Variants in SLTM observed in about 807,000 individuals in gnomAD.
SLTM encodes SAFB like transcription modulator.
Under a neutral mutation model 134.6 loss-of-function variants are expected in SLTM, and 43 were observed. That is an observed-to-expected ratio of 0.32 (90% CI 0.25 to 0.41). The LOEUF (loss-of-function observed/expected upper bound fraction) is 0.41, where lower values mean the gene tolerates loss of function less well. Ranked by LOEUF, SLTM falls within the 10% of genes least tolerant of loss-of-function variation. The pLI is 1.00. For synonymous variants in SLTM, 424 were observed against 432.3 expected (o/e 0.98, Z 0.24); for missense variants, 1,055 against 1,288.8 (o/e 0.82, Z 2.78).
At chr15:58,884,314 T>TTTG (rs770701415) in intron 19 of SLTM, among the ~76,000 whole-genome samples, 2 of 151,958 alleles carry the variant, frequency 1.3e-5, no homozygotes, top group African/African-American at 2.4e-5. Context: ...ATTTAATACT[T>TTTG]TTGTTGTTGT....
chr15:58,896,122 T>G (rs1416693263), intron 9 of SLTM, among the ~76,000 whole-genome samples: 1 of 152,190 alleles, frequency 6.6e-6, no homozygotes, highest in East Asian at 1.9e-4. Flanking sequence ...AATTGAGTAT[T>G]CTTTGACTAC....
chr15:58,924,182 T>C (rs958397709), intron 2 of SLTM, among the ~76,000 whole-genome samples: 1 of 152,230 alleles, frequency 6.6e-6, no homozygotes, highest in African/African-American at 2.4e-5. Context: ...ATAATCTGAA[T>C]AACAAAATAA....
At chr15:58,885,141 C>T (rs755542404) in intron 19 of SLTM, among the ~76,000 whole-genome samples, 10 of 152,182 alleles carry the variant, frequency 6.6e-5, no homozygotes, top group Non-Finnish European at 1.5e-4. Flanking sequence ...TTACATTGTA[C>T]TACTTAGTGC....
At position 58,893,851 on chromosome 15, in the gene SLTM, T is replaced by C. The variant is rs143963355; in HGVS notation, c.1618A>G (p.Ile540Val). ...CGCTTCTTTTCTTCACTTTTTTTAA[T>C]CGATTCTGATGTTTGGCCACTTGCT... ...NGASGQTSES[I>V]KKSEEKKRIS... The change falls in exon 12 of 21, where the codon ATT (isoleucine) becomes GTT (valine). Residue 540 changes from isoleucine (I) to valine (V), a missense_variant. Transcript: ENST00000380516. 4 of 1,611,140 alleles carry C rather than the reference T, an allele frequency of 2.5e-6. No homozygotes were observed. In the African/African-American group the frequency reaches 5.4e-5, roughly 22 times the overall value.
At chr15:58,913,803 T>A (rs2036446129) in intron 3 of SLTM, 107 bp from the exon 4 acceptor site, 1 of 799,592 alleles carries the variant, frequency 1.3e-6, no homozygotes, top group African/African-American at 1.7e-5. Flanking sequence ...TTTGATCATA[T>A]TTTAATATTC....
rs2033544473 is a variant in SLTM at position 58,879,715 on chromosome 15, T to C, written c.*284A>G. 2 of 264,058 alleles carry C rather than the reference T, an allele frequency of 7.6e-6. No individual in the cohort carries two copies. Among genetic ancestry groups the C allele is most frequent in the South Asian group, 1.3e-4 (2 of 15,748 alleles). 16.4% of individuals were successfully genotyped at this position (264,058 alleles called of 1,614,324 possible). On this transcript the variant is annotated 3_prime_UTR_variant, in exon 21 of 21. Transcript: ENST00000380516. ...CTACCACACAGCTGCAAACTACTCT[T>C]TATATTCACACAGCGTTAAACAAAA... is the stretch of plus-strand genomic sequence containing the variant.
intron 5 of SLTM, among the ~76,000 whole-genome samples, chr15:58,910,139 A>G (rs1256501877): frequency 1.3e-5 from 2 of 152,232 alleles, no homozygotes; most frequent in African/African-American, 4.8e-5. Flanking sequence ...TTTTAGAGAT[A>G]CATATTGAAA....
At chr15:58,886,908 C>T in intron 19 of SLTM, 67 bp downstream of exon 19, 3 of 1,576,996 alleles carry the variant, frequency 1.9e-6, no homozygotes, top group Non-Finnish European at 2.6e-6. Flanking sequence ...ACTGTATATC[C>T]AGAGTAGCTC....
chr15:58,897,732 G>C (rs1451753833), intron 8 of SLTM, among the ~76,000 whole-genome samples: 1 of 152,034 alleles, frequency 6.6e-6, no homozygotes, highest in Non-Finnish European at 1.5e-5. Flanking sequence ...GAATAAGTAA[G>C]ACAAAATGGG....
chr15:58,889,523 C>T lies in SLTM; in HGVS notation c.2111G>A (p.Arg704Gln), dbSNP rs895064973. ...ERRKEAERIA[R>Q]EREELRRQQQ... The stretch of plus-strand genomic sequence containing the variant: ...TTGCCTTCTGAGTTCCTCTCTTTCT[C>T]GAGCAATCCGTTCAGCTTCCTTACG... Residue 704 changes from arginine (R) to glutamine (Q), a missense_variant, in exon 16 of 21, where the codon CGA becomes CAA. Transcript: ENST00000380516. 5 of 1,613,904 alleles carry T rather than the reference C, an allele frequency of 3.1e-6. No individual in the cohort carries two copies. The highest frequency in any genetic ancestry group is 1.3e-5 in the African/African-American group (1 of 74,912).
chr15:58,898,407 A>C (rs1338401023), intron 8 of SLTM: 2 of 155,322 alleles, frequency 1.3e-5, no homozygotes, highest in African/African-American at 4.8e-5. Flanking sequence ...CCACAAATAC[A>C]CACAAGTATT....
chr15:58,889,547 C>T lies in SLTM; in HGVS notation c.2087G>A (p.Arg696His), dbSNP rs202109858. ...TCGAGCAATCCGTTCAGCTTCCTTA[C>T]GACGTTCCTTCAGACAACACAGAAT... is the stretch of plus-strand genomic sequence containing the variant. ...RERIRIEQER[R>H]KEAERIARER... is the part of the protein sequence containing the mutation. The change falls in exon 16 of 21, where the codon CGT becomes CAT. Residue 696 changes from arginine to histidine, a missense_variant. Arg to His is a conservative substitution (Grantham distance 29). Transcript: ENST00000380516. 28 of 1,613,900 alleles carry T rather than the reference C, an allele frequency of 1.7e-5. No individual in the cohort carries two copies. The highest frequency in any genetic ancestry group is 8.8e-5 in the South Asian group (8 of 91,074).
chr15:58,919,759 A>T (rs1188874196), intron 2 of SLTM, among the ~76,000 whole-genome samples: 4 of 152,314 alleles, frequency 2.6e-5, no homozygotes, highest in Admixed American at 2.0e-4. Flanking sequence ...TATAATCACA[A>T]ACTGCCTTAT....
chr15:58,918,294 T>A (rs1402259708), intron 2 of SLTM, among the ~76,000 whole-genome samples: 1 of 152,182 alleles, frequency 6.6e-6, no homozygotes, highest in Non-Finnish European at 1.5e-5. Context: ...ACGAATGAAC[T>A]TTTTTCCCTT....
Position 58,916,977 on chromosome 15 carries a change from C to A in SLTM, c.273G>T (p.Glu91Asp), listed in dbSNP as rs758662591. ...CTTCCACAGAAGCATCTCCACTCAACTCATCTGCTTCATGTTTTTTACCTG... is the reference window on the plus strand; with the variant it reads ...CTTCCACAGAAGCATCTCCACTCAAATCATCTGCTTCATGTTTTTTACCTG... ...KGKGKKHEADELSGDASVEDD... is the reference protein window; with the variant it reads ...KGKGKKHEADDLSGDASVEDD... The change falls in exon 3 of 21, where the codon GAG becomes GAT. Residue 91 changes from glutamate to aspartate, a missense_variant. Glu to Asp is a conservative substitution (Grantham distance 45). Around this residue, in one of 3 missense-constraint regions of SLTM, gnomAD observed 268 missense variants for 284.3 expected, o/e 0.94. Transcript: ENST00000380516. The A allele has an allele frequency of 1.2e-6, 2 of 1,613,864 alleles. No homozygotes were observed. Among genetic ancestry groups the A allele is most frequent in the Non-Finnish European group, 1.7e-6 (2 of 1,179,848 alleles).
chr15:58,916,157 T>G (rs2036628283), intron 3 of SLTM, among the ~76,000 whole-genome samples: 1 of 150,058 alleles, frequency 6.7e-6, no homozygotes, highest in Non-Finnish European at 1.5e-5. Flanking sequence ...ATAAATTTCT[T>G]AATTTGATCT....
At position 58,919,440 on chromosome 15, in the gene SLTM, A is replaced by T. The variant is rs186773533; in HGVS notation, c.251-2441T>A. 2.1e-3 allele frequency among the ~76,000 whole-genome samples: 313 copies of T among 152,130 alleles called. 1 individual carries two copies. Among genetic ancestry groups the T allele is most frequent in the Middle Eastern group, 6.8e-3 (2 of 294 alleles). Reference sequence around the variant, plus strand: ...GAGATCCCTATCTCTTCAAAAAAAAATTTTTTAAACACAGCTGGGTGTCGC... The same window carrying T: ...GAGATCCCTATCTCTTCAAAAAAAATTTTTTTAAACACAGCTGGGTGTCGC... On this transcript the variant is annotated intron_variant, in intron 2 of 20. Coordinates refer to ENST00000380516, the MANE Select transcript of SLTM (RefSeq NM_024755.4).
intron 3 of SLTM, among the ~76,000 whole-genome samples, chr15:58,915,968 TA>T (rs138468086): frequency 1.0e-3 from 152 of 149,594 alleles, no homozygotes; most frequent in South Asian, 3.8e-3. Context: ...TTCATTAAAA[TA>T]AAAAAAAAAT....
At position 58,930,356 on chromosome 15, in the gene SLTM, C is replaced by CG. The variant is rs2037786122; in HGVS notation, c.250+1999_250+2000insC. Among the ~76,000 whole-genome samples the CG allele has an allele frequency of 2.7e-5, 4 of 150,290 alleles. No individual in the cohort carries two copies. In the South Asian group the frequency reaches 8.4e-4, roughly 32 times the overall value. On this transcript the variant is annotated intron_variant, in intron 2 of 20. Transcript: ENST00000380516. ...TGTTGGCCAGGCTGCTCTCGAATTC[C>CG]CGACCGCAGGTGATCCACCCGCCTC...
Sources: allele counts gnomAD v4.1 joint callset (sites outside exome capture counted in the v4.1 genomes callset), GRCh38; gene constraint gnomAD v4.1.1; regional missense constraint gnomAD v4.1.1; transcripts MANE v1.5; gene names NCBI Gene and HGNC (gene_info 2026-07-23, HGNC 2026-07-21).